MBIP: variants seen among roughly 807,000 people sequenced by gnomAD.
MBIP encodes the protein MAP3K12-binding inhibitory protein 1.
MBIP carries 32 observed loss-of-function variants against 45.7 expected under a neutral mutation model. That is an observed-to-expected ratio of 0.70 (90% CI 0.53 to 0.94). The LOEUF is 0.94. Ranked by LOEUF, MBIP falls within the 40% of genes least tolerant of loss-of-function variation. The pLI is 0.00. For missense variants in MBIP, 381 were observed against 405.5 expected, an observed-to-expected ratio of 0.94 and a Z score of 0.52; for synonymous variants, 145 against 141.0, an observed-to-expected ratio of 1.03 and a Z score of -0.20.
chr14:36,317,525 T>C (rs1026686096), intron 1 of MBIP, among the ~76,000 whole-genome samples: 10 of 152,116 alleles, frequency 6.6e-5, no homozygotes, highest in Non-Finnish European at 8.8e-5. Flanking sequence ...CTTTTGTAAA[T>C]GCTAAGATGT....
chr14:36,299,510 T>C (rs559215377), intron 8 of MBIP, among the ~76,000 whole-genome samples: 10 of 148,650 alleles, frequency 6.7e-5, no homozygotes, highest in African/African-American at 2.5e-4. Flanking sequence ...TATTTGAAGA[T>C]GGGAGGAGGG....
At chr14:36,319,673 A>G in intron 1 of MBIP, 1 of 280,658 alleles carries the variant, frequency 3.6e-6, no homozygotes, top group South Asian at 3.0e-5. Context: ...TGGTCTATGT[A>G]AGATAGAAAA....
Position 36,320,500 on chromosome 14 carries a change from A to G in MBIP, c.89T>C (p.Leu30Pro), listed in dbSNP as rs1392054610. 1.9e-6 allele frequency: 3 copies of G among 1,614,000 alleles called. No individual in the cohort carries two copies. Among genetic ancestry groups the G allele is most frequent in the Non-Finnish European group, 8.5e-7 (1 of 1,179,996 alleles). The change falls in exon 1 of 9, where the codon CTC (leucine) becomes CCC (proline). Residue 30 changes from leucine to proline, a missense_variant. By Grantham distance (98) the Leu-to-Pro change is moderately conservative. Coordinates refer to ENST00000416007, the MANE Select transcript of MBIP (RefSeq NM_016586.3). ...RCRPNLSREV[L>P]YEIFRSLHTL... ...GTGTAGGGAGCGAAAGATTTCGTAG[A>G]GCACCTCTCGGGAGAGGTTGGGTCT...
intron 1 of MBIP, among the ~76,000 whole-genome samples, chr14:36,318,258 T>G (rs1880693027): frequency 6.6e-6 from 1 of 151,950 alleles, no homozygotes; most frequent in African/African-American, 2.4e-5. Flanking sequence ...CAAAGCAAAG[T>G]ATCACATTTT....
At chr14:36,310,025 C>T (rs898357153) in intron 6 of MBIP, among the ~76,000 whole-genome samples, 1 of 152,206 alleles carries the variant, frequency 6.6e-6, no homozygotes, top group Non-Finnish European at 1.5e-5. Flanking sequence ...ATGATTATAT[C>T]ATCTCAGTAT....
At chr14:36,308,636 G>T (rs928323779) in intron 6 of MBIP, among the ~76,000 whole-genome samples, 1 of 152,082 alleles carries the variant, frequency 6.6e-6, no homozygotes, top group Non-Finnish European at 1.5e-5. Context: ...TGACCTAAAA[G>T]AATGTAAAAA....
chr14:36,311,806 T>A lies in MBIP; in HGVS notation c.638-81A>T, dbSNP rs1880228817. On this transcript the variant is annotated intron_variant, in intron 5 of 8. Transcript: ENST00000416007. ...CTTATTCCTTAACAGCACTTTATATTTTTTTCATAAAGACCATCTAACCAC... is the reference window on the plus strand; with the variant it reads ...CTTATTCCTTAACAGCACTTTATATATTTTTCATAAAGACCATCTAACCAC... 4.5e-6 allele frequency: 6 copies of A among 1,327,682 alleles called. No homozygotes were observed. In the South Asian group the frequency reaches 7.4e-5, roughly 16 times the overall value. The allele number at this position is 1,327,682 out of a possible 1,614,324, so 82.2% of individuals were successfully genotyped here.
intron 6 of MBIP, 27 bp downstream of exon 6, chr14:36,311,546 T>G (rs764323606): frequency 6.4e-7 from 1 of 1,568,880 alleles, no homozygotes; most frequent in South Asian, 1.2e-5. Context: ...AGGTTCATTA[T>G]GAGGTGCCAC....
At chr14:36,317,007 AC>A (rs1880614875) in intron 1 of MBIP, among the ~76,000 whole-genome samples, 195 bp from the exon 2 acceptor site, 1 of 152,226 alleles carries the variant, frequency 6.6e-6, no homozygotes, top group African/African-American at 2.4e-5. Context: ...TCATAAAAAA[AC>A]AAAAACAAAA....
At chr14:36,311,827 A>G (rs951517259) in intron 5 of MBIP, 102 bp from the exon 6 acceptor site, 1 of 1,244,898 alleles carries the variant, frequency 8.0e-7, no homozygotes, top group Non-Finnish European at 1.1e-6. Flanking sequence ...AGACCATCTA[A>G]CCACAAGTAT....
chr14:36,313,622 CAT>C (rs1210103255), intron 4 of MBIP: 1 of 152,062 alleles, frequency 6.6e-6, no homozygotes, highest in Admixed American at 6.6e-5. Context: ...TAGAGATGCA[CAT>C]GTGTAATGTT....
intron 4 of MBIP, chr14:36,314,240 T>C (rs763271969): frequency 9.0e-6 from 3 of 332,108 alleles, no homozygotes; most frequent in South Asian, 1.2e-4. Context: ...GTACCTCACC[T>C]TCATTTCCTA....
In MBIP at chr14:36,316,694, T is replaced by C. The variant is rs1198836504; in HGVS notation, c.248A>G (p.Gln83Arg). 1 of 1,596,746 alleles carries C rather than the reference T, an allele frequency of 6.3e-7. No homozygotes were observed. The highest frequency in any genetic ancestry group is 1.8e-5 in the Admixed American group (1 of 55,482). The stretch of plus-strand genomic sequence containing the variant: ...TATCATTTCTAACAAGAAATTTACC[T>C]GTAAATATAAAATGTGTTGTTCAAG... ...SALEQHILYL[Q>R]PFLAKLQSPI... is the part of the protein sequence containing the mutation. Residue 83 changes from glutamine to arginine, a missense_variant and splice_region_variant, in exon 2 of 9, where the codon CAG (glutamine) becomes CGG (arginine). By Grantham distance (43) the Gln-to-Arg change is conservative. Coordinates refer to ENST00000416007, the MANE Select transcript of MBIP (RefSeq NM_016586.3).
At chr14:36,314,227 C>T in intron 4 of MBIP, 1 of 300,756 alleles carries the variant, frequency 3.3e-6, no homozygotes, top group South Asian at 6.6e-5. Context: ...AACCTTCTCA[C>T]TCGTACCTCA....
chr14:36,305,844 T>C (rs921179030), intron 7 of MBIP, among the ~76,000 whole-genome samples: 18 of 152,206 alleles, frequency 1.2e-4, no homozygotes, highest in Non-Finnish European at 2.4e-4. Context: ...CCTTGTTCTC[T>C]GTCTCTTTCC....
At chr14:36,300,655 C>T in intron 8 of MBIP, 130 bp downstream of exon 8, 1 of 585,208 alleles carries the variant, frequency 1.7e-6, no homozygotes. Flanking sequence ...TTTATACTGC[C>T]CTTTTCTTCA....
At chr14:36,303,564 G>A (rs557410190) in intron 7 of MBIP, among the ~76,000 whole-genome samples, 9 of 152,238 alleles carry the variant, frequency 5.9e-5, no homozygotes, top group South Asian at 2.1e-4. Context: ...ATCTAAACAC[G>A]TCTCAACATA....
At chr14:36,303,243 T>C (rs1370314313) in intron 7 of MBIP, among the ~76,000 whole-genome samples, 1 of 152,212 alleles carries the variant, frequency 6.6e-6, no homozygotes, top group African/African-American at 2.4e-5. Context: ...CAGGTTTTGG[T>C]ACCTGAGAGA....
At chr14:36,301,325 T>A (rs1879534559) in intron 7 of MBIP, among the ~76,000 whole-genome samples, 1 of 152,188 alleles carries the variant, frequency 6.6e-6, no homozygotes, top group Non-Finnish European at 1.5e-5. Flanking sequence ...CCACTACTTC[T>A]CTGTGTGGCC....
Sources: allele counts gnomAD v4.1 joint callset (sites outside exome capture counted in the v4.1 genomes callset), GRCh38; gene constraint gnomAD v4.1.1; transcripts MANE v1.5; gene names NCBI Gene and HGNC (gene_info 2026-07-23, HGNC 2026-07-21).